The following LMNB1 variants were observed in gnomAD, a reference collection of about 807,000 sequenced individuals.
LMNB1 encodes lamin B1.
A neutral mutation model predicts 67.1 loss-of-function variants in LMNB1; 23 were observed. The ratio of observed to expected loss-of-function variants is 0.34; its 90% CI spans 0.25 to 0.49. The LOEUF is 0.49. Ranked by LOEUF, LMNB1 falls within the 20% of genes least tolerant of loss-of-function variation. The pLI, the probability that LMNB1 is intolerant of heterozygous loss-of-function variation, is 0.99. For missense variants in LMNB1, 634 were observed against 746.5 expected (o/e 0.85, Z 1.76); for synonymous variants, 281 against 282.9 (o/e 0.99, Z 0.07).
rs1406314307 is a variant in LMNB1 at position 126,819,062 on chromosome 5, T to C, written c.1080T>C (p.Tyr360=). The change falls in exon 6 of 11, where the codon TAT becomes TAC. Residue 360 remains tyrosine (Y), a synonymous_variant. Transcript: ENST00000261366. ...AAATGCAGCAACAGCTGAATGACTA[T>C]GAACAGCTTCTTGATGTAAAGTTAG... ...RDQMQQQLND[Y]EQLLDVKLAL... is the part of the protein sequence containing the mutation. The C allele has an allele frequency of 1.2e-6, 2 of 1,614,186 alleles. No homozygotes were observed. The highest frequency in any genetic ancestry group is 1.1e-5 in the South Asian group (1 of 91,086).
At position 126,826,016 on chromosome 5, in the gene LMNB1, C is replaced by T. The variant is rs1751988981; in HGVS notation, c.1520C>T (p.Ala507Val). ...TIWAANAGVT[A>V]SPPTDLIWKN... ...TGGGCTGCAAACGCTGGTGTCACAG[C>T]CAGCCCCCCAACTGACCTCATCTGG... Residue 507 changes from alanine (A) to valine (V), a missense_variant, in exon 9 of 11, where the codon GCC becomes GTC. Transcript: ENST00000261366. 3.7e-6 allele frequency: 6 copies of T among 1,613,926 alleles called. No individual in the cohort carries two copies. Among genetic ancestry groups the T allele is most frequent in the Non-Finnish European group, 5.1e-6 (6 of 1,179,920 alleles).
rs76745868 is a variant in LMNB1 at position 126,801,467 on chromosome 5, A to T, written c.360-3309A>T. On this transcript the variant is annotated intron_variant, in intron 1 of 10. Transcript: ENST00000261366. ...CTTATCTTCTTTGGTTTTTATTTTT[A>T]TGGAAGAAATCACCATATTCTAGTC... Among the ~76,000 whole-genome samples the T allele has an allele frequency of 6.6e-4, 100 of 152,160 alleles. 1 individual carries two copies. The East Asian group carries it at 0.019, about 29-fold the overall frequency.
intron 9 of LMNB1, among the ~76,000 whole-genome samples, chr5:126,830,581 A>G (rs1049162533): frequency 6.6e-6 from 1 of 152,200 alleles, no homozygotes; most frequent in Non-Finnish European, 1.5e-5. Flanking sequence ...GGTTACACTT[A>G]AAGTAGTTAT....
intron 9 of LMNB1, among the ~76,000 whole-genome samples, chr5:126,830,101 C>T (rs1471914309): frequency 1.1e-4 from 17 of 152,204 alleles, no homozygotes; most frequent in Non-Finnish European, 5.9e-5. Context: ...CACATAAGAT[C>T]GCCCTGATTT....
chr5:126,796,796 T>C lies in LMNB1; in HGVS notation c.360-7980T>C, dbSNP rs1004212903. Among the ~76,000 whole-genome samples, 12 of 148,084 alleles carry C rather than the reference T, an allele frequency of 8.1e-5. No individual in the cohort carries two copies. The East Asian group carries it at 9.7e-4, about 12-fold the overall frequency. ...TTTTCTTTTTTCTTTCTTTTTTTTTTTTTTTTTTTTGAGATAGAGCTTCGC... is the reference window on the plus strand; with the variant it reads ...TTTTCTTTTTTCTTTCTTTTTTTTTCTTTTTTTTTTGAGATAGAGCTTCGC... On this transcript the variant is annotated intron_variant, in intron 1 of 10. Transcript: ENST00000261366.
intron 9 of LMNB1, among the ~76,000 whole-genome samples, chr5:126,828,805 T>C (rs62391743): frequency 0.14 from 21,640 of 151,942 alleles, 1,617 homozygotes; most frequent in Non-Finnish European, 0.17. Context: ...TTGTGATCCG[T>C]CACCTCGGCC....
intron 1 of LMNB1, among the ~76,000 whole-genome samples, chr5:126,778,697 A>C (rs1413221898): frequency 9.9e-5 from 15 of 152,152 alleles, no homozygotes; most frequent in Admixed American, 9.2e-4. Flanking sequence ...CCTACCCCTC[A>C]GGCAGCGGCC....
At chr5:126,787,550 T>A (rs865869402) in intron 1 of LMNB1, among the ~76,000 whole-genome samples, 205 of 86,868 alleles carry the variant, frequency 2.4e-3, no homozygotes, top group East Asian at 0.015. Flanking sequence ...ATATATATTT[T>A]TTTTTTTTTT....
intron 8 of LMNB1, among the ~76,000 whole-genome samples, chr5:126,823,182 T>A (rs1359869055): frequency 6.6e-6 from 1 of 152,246 alleles, no homozygotes; most frequent in Non-Finnish European, 1.5e-5. Flanking sequence ...CATAAAGAAC[T>A]GTTAAGAATT....
intron 10 of LMNB1, 44 bp from the exon 11 acceptor site, chr5:126,836,179 T>C (rs1179199796): frequency 2.1e-6 from 3 of 1,445,756 alleles, no homozygotes; most frequent in Non-Finnish European, 2.9e-6. Context: ...AATACTGTGA[T>C]CTATTTCTTT....
chr5:126,825,918 T>C, intron 8 of LMNB1, 70 bp from the exon 9 acceptor site: 2 of 1,602,940 alleles, frequency 1.2e-6, no homozygotes, highest in Non-Finnish European at 1.7e-6. Flanking sequence ...TTGAGTCTCA[T>C]CGCATTGCTG....
At chr5:126,834,469 A>G (rs890928184) in intron 10 of LMNB1, among the ~76,000 whole-genome samples, 3 of 152,208 alleles carry the variant, frequency 2.0e-5, no homozygotes, top group South Asian at 2.1e-4. Flanking sequence ...CCTTTGTAAC[A>G]TTCTCTTAGT....
chr5:126,819,347 A>G (rs1580550160), intron 6 of LMNB1: 2 of 454,380 alleles, frequency 4.4e-6, no homozygotes, highest in Admixed American at 7.7e-5. Flanking sequence ...ATTTATTATT[A>G]TTACTTTAAA....
chr5:126,777,356 C>G lies in LMNB1; in HGVS notation c.-153C>G. 1 of 864,964 alleles carries G rather than the reference C, an allele frequency of 1.2e-6. No homozygotes were observed. The highest frequency in any genetic ancestry group is 5.2e-5 in the South Asian group (1 of 19,230). 53.6% of individuals were successfully genotyped at this position (864,964 alleles called of 1,614,324 possible). A position where few individuals can be genotyped will look rare whatever the true frequency, so the allele number is the denominator to read the frequency against. On this transcript the variant is annotated 5_prime_UTR_variant, in exon 1 of 11. It adds an upstream start codon to the 5' untranslated region. Coordinates refer to ENST00000261366, the MANE Select transcript of LMNB1 (RefSeq NM_005573.4). ...TGTGCTGTAATCGAGCTCCCGCCAT[C>G]CCAGGTGCTTCTCCGTTCCTCTAAA... is the stretch of plus-strand genomic sequence containing the variant.
At chr5:126,800,982 A>ATATATTTTTTT in intron 1 of LMNB1, among the ~76,000 whole-genome samples, 3 of 18,632 alleles carry the variant, frequency 1.6e-4, no homozygotes, top group Admixed American at 9.5e-4. Flanking sequence ...TATATATATA[A>ATATATTTTTTT]TTTTTTTTTT....
chr5:126,780,952 C>T (rs998926169), intron 1 of LMNB1, among the ~76,000 whole-genome samples: 1 of 152,178 alleles, frequency 6.6e-6, no homozygotes, highest in East Asian at 1.9e-4. Flanking sequence ...CCCTAGAGTT[C>T]TCTTTGCTTA....
intron 1 of LMNB1, among the ~76,000 whole-genome samples, chr5:126,800,970 T>C (rs1299275559): frequency 1.2e-5 from 1 of 82,546 alleles, no homozygotes; most frequent in East Asian, 3.1e-4. Context: ...TATATATATA[T>C]ATATATATAT....
At chr5:126,789,595 T>A (rs1750900002) in intron 1 of LMNB1, among the ~76,000 whole-genome samples, 1 of 152,190 alleles carries the variant, frequency 6.6e-6, no homozygotes, top group Non-Finnish European at 1.5e-5. Flanking sequence ...ACTTGTTTAC[T>A]CCTCTTTAGC....
At chr5:126,832,639 C>T in intron 9 of LMNB1, 55 bp from the exon 10 acceptor site, 2 of 1,264,894 alleles carry the variant, frequency 1.6e-6, no homozygotes, top group South Asian at 2.4e-5. Flanking sequence ...GTCCCTCTCC[C>T]CCGCATTTGG....
Sources: gnomAD v4.1 joint callset for allele counts (sites outside exome capture counted in the v4.1 genomes callset) on GRCh38, gnomAD v4.1.1 for gene constraint, MANE v1.5 for transcripts, NCBI Gene and HGNC (gene_info 2026-07-23, HGNC 2026-07-21) for gene names.